NRG1: variants seen among roughly 807,000 people sequenced by gnomAD.
NRG1 encodes neuregulin 1.
In NRG1, 18 loss-of-function variants were observed where a neutral mutation model predicts 63.8. The observed-to-expected ratio is 0.28, with a 90% CI of 0.19 to 0.42. The LOEUF (loss-of-function observed/expected upper bound fraction) is 0.42. NRG1 is among the 10% of genes least tolerant of loss of function. NRG1 has a pLI of 1.00. For synonymous variants in NRG1, 302 were observed against 301.3 expected, an observed-to-expected ratio of 1.00 and a Z score of -0.02; for missense variants, 762 against 814.7, an observed-to-expected ratio of 0.94 and a Z score of 0.79.
intron 1 of NRG1, among the ~76,000 whole-genome samples, chr8:31,926,572 T>G (rs1834374467): frequency 6.6e-6 from 1 of 152,120 alleles, no homozygotes; most frequent in Admixed American, 6.5e-5. Flanking sequence ...TGATTTGCAT[T>G]TTAAAAAGAT....
chr8:32,477,478 A>G (rs1374829178), intron 1 of NRG1, among the ~76,000 whole-genome samples: 6 of 152,168 alleles, frequency 3.9e-5, no homozygotes, highest in Admixed American at 3.3e-4. Context: ...TGCTGTTTAG[A>G]TTTTCATATA....
intron 1 of NRG1, among the ~76,000 whole-genome samples, chr8:32,390,770 A>G (rs1259677886): frequency 2.6e-5 from 4 of 152,102 alleles, no homozygotes; most frequent in Non-Finnish European, 1.5e-5. Flanking sequence ...CCTTCCCTAG[A>G]CCAGAAGCTC....
In NRG1 at chr8:32,253,343, T is replaced by C. The variant is rs180768175; in HGVS notation, c.38-342485T>C. On this transcript the variant is annotated intron_variant, in intron 1 of 10. Coordinates refer to the NRG1 transcript ENST00000519301. ...CCTGGGGGGTTGCCATAAATGACTC[T>C]TATTATTTTTGGATACATTCCATCA... Among the ~76,000 whole-genome samples the C allele has an allele frequency of 2.5e-4, 38 of 152,332 alleles. No homozygotes were observed. The East Asian group carries it at 6.8e-3, about 27-fold the overall frequency.
At chr8:31,881,085 C>T (rs974446332) in intron 1 of NRG1, among the ~76,000 whole-genome samples, 1 of 152,008 alleles carries the variant, frequency 6.6e-6, no homozygotes, top group Non-Finnish European at 1.5e-5. Context: ...TTTAAGTTTC[C>T]GTTCCAGGAT....
chr8:31,956,262 G>A (rs1804389082), intron 1 of NRG1, among the ~76,000 whole-genome samples: 1 of 152,082 alleles, frequency 6.6e-6, no homozygotes, highest in South Asian at 2.1e-4. Flanking sequence ...TGATAAGTAT[G>A]AGGTAATGTG....
chr8:32,242,266 G>C (rs1311897761), intron 1 of NRG1, among the ~76,000 whole-genome samples: 1 of 152,110 alleles, frequency 6.6e-6, no homozygotes, highest in Non-Finnish European at 1.5e-5. Flanking sequence ...ATGAGGTCAG[G>C]AGTTCGAGAC....
At chr8:31,970,452 G>C (rs1016682210) in intron 1 of NRG1, among the ~76,000 whole-genome samples, 1 of 152,180 alleles carries the variant, frequency 6.6e-6, no homozygotes, top group African/African-American at 2.4e-5. Flanking sequence ...GTTAAGGATA[G>C]ATGGGAGAAG....
At chr8:31,872,249 A>G (rs1436931937) in intron 1 of NRG1, among the ~76,000 whole-genome samples, 1 of 152,206 alleles carries the variant, frequency 6.6e-6, no homozygotes, top group Non-Finnish European at 1.5e-5. Flanking sequence ...AAGGTTTATT[A>G]TGCATTTTCC....
At chr8:32,180,730 A>C (rs1841344547) in intron 1 of NRG1, among the ~76,000 whole-genome samples, 1 of 152,210 alleles carries the variant, frequency 6.6e-6, no homozygotes, top group African/African-American at 2.4e-5. Flanking sequence ...TAACATATGC[A>C]TTAGCTCACA....
At chr8:32,578,406 A>G (rs373272451) in intron 1 of NRG1, among the ~76,000 whole-genome samples, 15 of 151,892 alleles carry the variant, frequency 9.9e-5, no homozygotes, top group South Asian at 8.3e-4. Flanking sequence ...TCATATGTCT[A>G]TTGAGGTCTG....
intron 1 of NRG1, among the ~76,000 whole-genome samples, chr8:31,818,094 T>C (rs1454890199): frequency 2.6e-5 from 4 of 152,096 alleles, no homozygotes; most frequent in East Asian, 1.9e-4. Flanking sequence ...AAGAAAGATA[T>C]TTATCAAGCC....
intron 1 of NRG1, among the ~76,000 whole-genome samples, chr8:31,800,371 C>T (rs1331075542): frequency 1.3e-5 from 2 of 152,176 alleles, no homozygotes; most frequent in Non-Finnish European, 2.9e-5. Flanking sequence ...CATTACATGT[C>T]TAAATCTTGG....
chr8:31,957,865 C>G (rs1162712355), intron 1 of NRG1, among the ~76,000 whole-genome samples: 1 of 152,090 alleles, frequency 6.6e-6, no homozygotes, highest in Non-Finnish European at 1.5e-5. Context: ...CTATTTCTAC[C>G]CCATCAGAGA....
At chr8:32,463,189 G>C (rs767923564) in intron 1 of NRG1, among the ~76,000 whole-genome samples, 2 of 151,992 alleles carry the variant, frequency 1.3e-5, no homozygotes, top group African/African-American at 4.8e-5. Context: ...TTTATTTACC[G>C]CTTCATCTGT....
At chr8:31,799,919 T>G (rs1320015635) in intron 1 of NRG1, among the ~76,000 whole-genome samples, 2 of 152,292 alleles carry the variant, frequency 1.3e-5, no homozygotes, top group East Asian at 3.9e-4. Flanking sequence ...AATAAGATAA[T>G]ATTTGTAAAG....
At chr8:32,315,316 A>G (rs1857261220) in intron 1 of NRG1, among the ~76,000 whole-genome samples, 1 of 152,088 alleles carries the variant, frequency 6.6e-6, no homozygotes, top group Non-Finnish European at 1.5e-5. Flanking sequence ...GCTCCCACTT[A>G]TGAGTGAGAA....
At chr8:32,424,391 A>G (rs940290317) in intron 1 of NRG1, among the ~76,000 whole-genome samples, 5 of 152,090 alleles carry the variant, frequency 3.3e-5, no homozygotes, top group Non-Finnish European at 1.5e-5. Context: ...ATGTTTAGAA[A>G]AGGTAATCTT....
At chr8:32,250,844 T>C (rs543943796) in intron 1 of NRG1, among the ~76,000 whole-genome samples, 1 of 152,142 alleles carries the variant, frequency 6.6e-6, no homozygotes, top group Non-Finnish European at 1.5e-5. Context: ...TAGTCTGTAA[T>C]GAAAAATTGA....
chr8:32,413,037 CG>C (rs1815332532), intron 1 of NRG1, among the ~76,000 whole-genome samples: 1 of 152,132 alleles, frequency 6.6e-6, no homozygotes, highest in South Asian at 2.1e-4. Context: ...ACCCAGATAC[CG>C]CGTGCTCCAT....
Sources: allele counts gnomAD v4.1 joint callset (sites outside exome capture counted in the v4.1 genomes callset), GRCh38; gene constraint gnomAD v4.1.1; transcripts MANE v1.5; gene names NCBI Gene and HGNC (gene_info 2026-07-23, HGNC 2026-07-21).